The following TMEM61 variants were observed in gnomAD, a reference collection of about 807,000 sequenced individuals.
TMEM61 encodes transmembrane protein 61.
Under a neutral mutation model 12.0 loss-of-function variants are expected in TMEM61, and 13 were observed. That is an observed-to-expected ratio of 1.08 (90% CI 0.70 to 1.72). The LOEUF (loss-of-function observed/expected upper bound fraction) is 1.72, where lower values mean the gene tolerates loss of function less well. Among genes scored for constraint, TMEM61 ranks in the 40% most tolerant of loss-of-function variants. TMEM61 has a pLI of 0.00. For missense variants in TMEM61, 249 were observed against 276.9 expected, an observed-to-expected ratio of 0.90 and a Z score of 0.71; for synonymous variants, 109 against 121.4, an observed-to-expected ratio of 0.90 and a Z score of 0.67.
intron 2 of TMEM61, 50 bp from the exon 3 acceptor site, chr1:54,991,786 A>G (rs369985259): frequency 6.3e-7 from 1 of 1,584,326 alleles, no homozygotes; most frequent in African/African-American, 1.3e-5. Flanking sequence ...TCTGGCAGGC[A>G]GCAGGGTCTG....
intron 2 of TMEM61, among the ~76,000 whole-genome samples, chr1:54,988,959 C>A (rs538330757): frequency 6.6e-6 from 1 of 152,336 alleles, no homozygotes; most frequent in Admixed American, 6.5e-5. Flanking sequence ...GACACCTCTT[C>A]TCTCAACTGG....
Position 54,992,286 on chromosome 1 carries a change from A to G in TMEM61, c.*183A>G. ...GGCTTAAAATAAATCCCATTTTATT[A>G]TGTCTCACGACTCTATGAGTTGCCT... On this transcript the variant is annotated 3_prime_UTR_variant, in exon 3 of 3. Coordinates refer to ENST00000371268, the MANE Select transcript of TMEM61 (RefSeq NM_182532.3). The G allele has an allele frequency of 1.4e-6, 1 of 730,440 alleles. No individual in the cohort carries two copies. The highest frequency in any genetic ancestry group is 1.9e-5 in the South Asian group (1 of 53,106). The allele number at this position is 730,440 out of a possible 1,614,324, so 45.2% of individuals were successfully genotyped here.
chr1:54,991,810 T>C (rs1289887324), intron 2 of TMEM61, 26 bp from the exon 3 acceptor site: 1 of 1,609,148 alleles, frequency 6.2e-7, no homozygotes, highest in South Asian at 1.1e-5. Context: ...CAGCCCCTGC[T>C]AACAGCCTCT....
Position 54,992,229 on chromosome 1 carries a change from T to C in TMEM61, c.*126T>C. ...TGTTGAAGGCTGTTCTATTTATCTATTGCTGTATAACAAACCACCCCAGAA... is the reference window on the plus strand; with the variant it reads ...TGTTGAAGGCTGTTCTATTTATCTACTGCTGTATAACAAACCACCCCAGAA... On this transcript the variant is annotated 3_prime_UTR_variant, in exon 3 of 3. Coordinates refer to ENST00000371268, the MANE Select transcript of TMEM61 (RefSeq NM_182532.3). The C allele has an allele frequency of 8.4e-7, 1 of 1,190,668 alleles. No individual in the cohort carries two copies. Among genetic ancestry groups the C allele is most frequent in the Non-Finnish European group, 1.2e-6 (1 of 854,642 alleles). 73.8% of individuals were successfully genotyped at this position (1,190,668 alleles called of 1,614,324 possible).
chr1:54,991,381 G>T (rs1644296905), intron 2 of TMEM61, among the ~76,000 whole-genome samples: 1 of 152,232 alleles, frequency 6.6e-6, no homozygotes, highest in African/African-American at 2.4e-5. Flanking sequence ...ATCCAGATGG[G>T]CAGAGGAATT....
At chr1:54,988,354 C>G (rs973890832) in intron 2 of TMEM61, among the ~76,000 whole-genome samples, 1 of 152,238 alleles carries the variant, frequency 6.6e-6, no homozygotes, top group Non-Finnish European at 1.5e-5. Flanking sequence ...GCCTTCACTC[C>G]CAGTGGGCCA....
intron 1 of TMEM61, among the ~76,000 whole-genome samples, chr1:54,981,476 G>A (rs12093223): frequency 0.014 from 2,079 of 152,094 alleles, 47 homozygotes; most frequent in African/African-American, 0.048. Context: ...AAATTAGCCG[G>A]GCATGGTGGC....
In TMEM61 at chr1:54,991,934, C is replaced by A; in HGVS notation, c.464C>A (p.Ala155Asp). 6.2e-7 allele frequency: 1 copy of A among 1,614,200 alleles called. No individual in the cohort carries two copies. ...CCACCTGCATACCCTACGGAGGAAG[C>A]CCTGGAGCCAAGTGGATCGAGGGAT... ...PTPPAYPTEE[A>D]LEPSGSRDAL... The change falls in exon 3 of 3, where the codon GCC becomes GAC. Residue 155 changes from alanine to aspartate, a missense_variant. Ala to Asp is a moderately radical substitution (Grantham distance 126). Coordinates refer to ENST00000371268, the MANE Select transcript of TMEM61 (RefSeq NM_182532.3).
At chr1:54,981,355 C>T (rs919054323) in intron 1 of TMEM61, among the ~76,000 whole-genome samples, 1 of 152,180 alleles carries the variant, frequency 6.6e-6, no homozygotes, top group African/African-American at 2.4e-5. Context: ...CGGTGGCTCA[C>T]GCCTGTAATC....
At chr1:54,988,387 T>C (rs111989269) in intron 2 of TMEM61, among the ~76,000 whole-genome samples, 2,652 of 152,218 alleles carry the variant, frequency 0.017, 85 homozygotes, top group African/African-American at 0.06. Flanking sequence ...ACCTAGGAGG[T>C]CACAGGGTGA....
chr1:54,981,128 C>T, intron 1 of TMEM61, 48 bp downstream of exon 1: 1 of 1,562,056 alleles, frequency 6.4e-7, no homozygotes. Context: ...TCAGCCCCTT[C>T]TGTCGTCGAC....
chr1:54,981,995 C>T (rs906872450), intron 1 of TMEM61, among the ~76,000 whole-genome samples: 12 of 152,144 alleles, frequency 7.9e-5, no homozygotes, highest in African/African-American at 2.9e-4. Flanking sequence ...GACACTAAGG[C>T]GTGGAGAAGC....
chr1:54,987,915 C>T (rs988374227), intron 2 of TMEM61, among the ~76,000 whole-genome samples: 4 of 152,244 alleles, frequency 2.6e-5, no homozygotes, highest in Admixed American at 2.6e-4. Flanking sequence ...AATGTAGGAG[C>T]ATTCCTGCTA....
At chr1:54,989,966 A>G (rs75737980) in intron 2 of TMEM61, among the ~76,000 whole-genome samples, 3,830 of 151,704 alleles carry the variant, frequency 0.025, 155 homozygotes, top group African/African-American at 0.086. Context: ...TTTGCCCCTG[A>G]ATCTGAAAGG....
In TMEM61 at chr1:54,992,037, G is replaced by A. The variant is rs2500326; in HGVS notation, c.567G>A (p.Ala189=). ...SISLALDAVS[A]ETTPSATRSC... is the part of the protein sequence containing the mutation. Reference sequence around the variant, plus strand: ...GCCTTGCTCTTGATGCCGTTTCTGCGGAGACGACACCGAGTGCCACACGCT... The same window carrying A: ...GCCTTGCTCTTGATGCCGTTTCTGCAGAGACGACACCGAGTGCCACACGCT... Residue 189 remains alanine (A), a synonymous_variant, in exon 3 of 3, where the codon GCG becomes GCA. Coordinates refer to ENST00000371268, the MANE Select transcript of TMEM61 (RefSeq NM_182532.3). The A allele has an allele frequency of 0.8, 1,290,102 of 1,613,520 alleles. 516,951 individuals carry two copies. The highest frequency in any genetic ancestry group is 0.87 in the Admixed American group (52,259 of 60,006).
chr1:54,991,604 A>T (rs1570263904), intron 2 of TMEM61, among the ~76,000 whole-genome samples: 1 of 152,188 alleles, frequency 6.6e-6, no homozygotes, highest in African/African-American at 2.4e-5. Flanking sequence ...AGGTGCTGGG[A>T]GCACATACAG....
chr1:54,986,575 T>C (rs1644262993), intron 2 of TMEM61, 129 bp downstream of exon 2: 1 of 836,364 alleles, frequency 1.2e-6, no homozygotes, highest in Non-Finnish European at 1.8e-6. Context: ...GGCTTTGCCC[T>C]GTGTCCTGGG....
intron 2 of TMEM61, among the ~76,000 whole-genome samples, chr1:54,990,527 T>G (rs535452033): frequency 6.6e-6 from 1 of 152,290 alleles, no homozygotes; most frequent in East Asian, 1.9e-4. Context: ...TACTGCTTCT[T>G]CTGTTCCCCA....
chr1:54,981,997 T>C (rs1026004308), intron 1 of TMEM61, among the ~76,000 whole-genome samples: 6 of 152,182 alleles, frequency 3.9e-5, no homozygotes, highest in Non-Finnish European at 8.8e-5. Flanking sequence ...CACTAAGGCG[T>C]GGAGAAGCTG....
Sources: allele counts gnomAD v4.1 joint callset (sites outside exome capture counted in the v4.1 genomes callset), GRCh38; gene constraint gnomAD v4.1.1; transcripts MANE v1.5; gene names NCBI Gene and HGNC (gene_info 2026-07-23, HGNC 2026-07-21).